PSMG4: variants seen among roughly 807,000 people sequenced by gnomAD.
PSMG4 encodes the protein proteasome (prosome, macropain) assembly chaperone 4.
Under a neutral mutation model 11.0 loss-of-function variants are expected in PSMG4, and 10 were observed. The observed-to-expected ratio is 0.91, with a 90% CI of 0.56 to 1.54. The LOEUF (loss-of-function observed/expected upper bound fraction) is 1.54, where lower values mean the gene tolerates loss of function less well. Among genes scored for constraint, PSMG4 ranks in the 40% most tolerant of loss-of-function variants. The pLI, the probability that PSMG4 is intolerant of heterozygous loss-of-function variation, is 0.00. For missense variants in PSMG4, 198 were observed against 160.9 expected (o/e 1.23, Z -1.25); for synonymous variants, 95 against 71.3 (o/e 1.33, Z -1.68).
chr6:3,255,984 T>C (rs1168651483), upstream of PSMG4, among the ~76,000 whole-genome samples: 1 of 152,252 alleles, frequency 6.6e-6, no homozygotes, highest in Non-Finnish European at 1.5e-5. Context: ...ACATCTGCTA[T>C]GGCAGCCACA....
upstream of PSMG4, chr6:3,255,350 T>C (rs1331849959): frequency 2.1e-6 from 3 of 1,452,036 alleles, no homozygotes; most frequent in Non-Finnish European, 2.7e-6. Flanking sequence ...TCTATGTAGT[T>C]GCTTAATTTT....
chr6:3,256,481 C>T (rs1179885978), upstream of PSMG4, among the ~76,000 whole-genome samples: 5 of 152,230 alleles, frequency 3.3e-5, no homozygotes, highest in African/African-American at 7.2e-5. Flanking sequence ...CTTCCTCCTC[C>T]TGTGATGTGT....
At chr6:3,263,272 G>C (rs1298743078) in intron 1 of PSMG4, among the ~76,000 whole-genome samples, 3 of 152,246 alleles carry the variant, frequency 2.0e-5, no homozygotes, top group Non-Finnish European at 4.4e-5. Context: ...CTCTGAGCCA[G>C]CTGCTGTGGG....
intron 1 of PSMG4, among the ~76,000 whole-genome samples, chr6:3,261,897 G>A (rs1229359523): frequency 6.6e-6 from 1 of 152,186 alleles, no homozygotes; most frequent in African/African-American, 2.4e-5. Flanking sequence ...GCCTGAACTA[G>A]TTACTATCTG....
intron 2 of PSMG4, chr6:3,267,334 CG>C: frequency 3.2e-6 from 1 of 310,906 alleles, no homozygotes; most frequent in African/African-American, 2.1e-5. Flanking sequence ...AGCTGCCTCT[CG>C]AACAAGTTCC....
upstream of PSMG4, among the ~76,000 whole-genome samples, chr6:3,255,747 A>G (rs1757740913): frequency 6.6e-6 from 1 of 152,242 alleles, no homozygotes; most frequent in South Asian, 2.1e-4. Context: ...GCAGTGGGCA[A>G]ATGCACCAAT....
intron 2 of PSMG4, chr6:3,263,984 T>G: frequency 8.4e-6 from 11 of 1,305,578 alleles, no homozygotes; most frequent in Non-Finnish European, 1.1e-5. Flanking sequence ...CCCAAAGGAC[T>G]CCCACCTCGT....
chr6:3,257,419 C>T (rs551831394), upstream of PSMG4, among the ~76,000 whole-genome samples: 4 of 152,286 alleles, frequency 2.6e-5, no homozygotes, highest in South Asian at 2.1e-4. Flanking sequence ...AGAAATTTGC[C>T]ATGCCAGCCA....
chr6:3,256,526 G>T (rs1757772659), upstream of PSMG4, among the ~76,000 whole-genome samples: 1 of 152,250 alleles, frequency 6.6e-6, no homozygotes, highest in East Asian at 1.9e-4. Flanking sequence ...AACGGCTGGG[G>T]CGATTGTTAC....
rs528650508 is a variant in PSMG4, at chr6:3,264,579, C to G, written c.250+820C>G. 148 of 527,314 alleles carry G rather than the reference C, an allele frequency of 2.8e-4. No individual in the cohort carries two copies. In the Middle Eastern group the frequency reaches 6.9e-3, roughly 25 times the overall value. The allele number at this position is 527,314 out of a possible 1,614,324, so 32.7% of individuals were successfully genotyped here. ...GAAGGCAGGGCAGGGTGGAGTGTCA[C>G]CAGCAGGCCCATGACAGTATGTGGA... On this transcript the variant is annotated intron_variant, in intron 2 of 2. Transcript: ENST00000438998.
intron 1 of PSMG4, among the ~76,000 whole-genome samples, chr6:3,262,181 C>T (rs35009357): frequency 0.69 from 104,674 of 152,068 alleles, 38,929 homozygotes; most frequent in Non-Finnish European, 0.83. Context: ...CCCGCCCGGC[C>T]TCTAGGAGTG....
At chr6:3,256,141 G>T (rs1561837671), upstream of PSMG4, among the ~76,000 whole-genome samples, 1 of 152,176 alleles carries the variant, frequency 6.6e-6, no homozygotes, top group East Asian at 1.9e-4. Flanking sequence ...TCCCCAGGAT[G>T]GAATACTGTT....
chr6:3,267,344 C>T, intron 2 of PSMG4: 1 of 332,608 alleles, frequency 3.0e-6, no homozygotes, highest in South Asian at 3.7e-5. Flanking sequence ...CGAACAAGTT[C>T]CAGGGAGGCT....
chr6:3,262,144 C>G (rs1476158462), intron 1 of PSMG4, among the ~76,000 whole-genome samples: 2 of 152,142 alleles, frequency 1.3e-5, no homozygotes, highest in South Asian at 2.1e-4. Context: ...GACCTGGGCC[C>G]GTGCCTGCTC....
rs191862844 is a variant in PSMG4 at position 3,260,550 on chromosome 6, G to A, written c.174+1354G>A. Among the ~76,000 whole-genome samples, 4 of 152,094 alleles carry A rather than the reference G, an allele frequency of 2.6e-5. No individual in the cohort carries two copies. The East Asian group carries it at 7.7e-4, about 29-fold the overall frequency. On this transcript the variant is annotated intron_variant, in intron 1 of 2. Transcript: ENST00000438998. ...GATCCGCCTGCCTCGGCCTCCCAAA[G>A]GCAAGCAAGTCCCTTTGGAAGTAAA... is the stretch of plus-strand genomic sequence containing the variant.
At chr6:3,256,794 C>T (rs114592073), upstream of PSMG4, among the ~76,000 whole-genome samples, 2,808 of 152,292 alleles carry the variant, frequency 0.018, 28 homozygotes, top group Middle Eastern at 0.054. Flanking sequence ...TCATAGTCTG[C>T]CTCCATCAGT....
chr6:3,255,495 C>G (rs994463442), upstream of PSMG4, among the ~76,000 whole-genome samples: 16 of 152,160 alleles, frequency 1.1e-4, no homozygotes, highest in African/African-American at 9.7e-5. Context: ...GGTACCTAAA[C>G]TGCCTGGCCA....
At chr6:3,259,621 CCTG>C (rs769062557) in intron 1 of PSMG4, among the ~76,000 whole-genome samples, 12 of 152,362 alleles carry the variant, frequency 7.9e-5, no homozygotes, top group Middle Eastern at 6.8e-3. Flanking sequence ...CTTCTCCAAA[CCTG>C]CTCCCTCCTC....
intron 1 of PSMG4, among the ~76,000 whole-genome samples, chr6:3,261,874 T>C (rs1356265912): frequency 6.6e-6 from 1 of 152,160 alleles, no homozygotes; most frequent in Non-Finnish European, 1.5e-5. Flanking sequence ...ATAGAGACTT[T>C]GTAATCCATA....
Sources: gnomAD v4.1 joint callset for allele counts (sites outside exome capture counted in the v4.1 genomes callset) on GRCh38, gnomAD v4.1.1 for gene constraint, MANE v1.5 for transcripts, NCBI Gene and HGNC (gene_info 2026-07-23, HGNC 2026-07-21) for gene names.